Variants in A4GALT observed in about 807,000 individuals in gnomAD.
A4GALT encodes the protein lactosylceramide 4-alpha-galactosyltransferase.
For synonymous variants in A4GALT, 257 were observed against 220.7 expected, an observed-to-expected ratio of 1.16 and a Z score of -1.46; for missense variants, 512 against 486.0, an observed-to-expected ratio of 1.05 and a Z score of -0.50.
intron 1 of A4GALT, among the ~76,000 whole-genome samples, chr22:42,711,494 A>C: frequency 6.6e-6 from 1 of 152,224 alleles, no homozygotes; most frequent in Non-Finnish European, 1.5e-5. Flanking sequence ...TTTCTTGAAG[A>C]GGCTGATTAA....
At chr22:42,704,065 T>C (rs1317288117) in intron 1 of A4GALT, among the ~76,000 whole-genome samples, 1 of 152,172 alleles carries the variant, frequency 6.6e-6, no homozygotes, top group Non-Finnish European at 1.5e-5. Flanking sequence ...CAAACCCTGC[T>C]TGGAGGACCA....
intron 1 of A4GALT, among the ~76,000 whole-genome samples, chr22:42,697,888 C>A (rs1342826985): frequency 1.3e-5 from 2 of 152,178 alleles, no homozygotes; most frequent in African/African-American, 2.4e-5. Context: ...CTGCTCTAAG[C>A]CCTTCCATGG....
chr22:42,708,225 T>C (rs992091469), intron 1 of A4GALT, among the ~76,000 whole-genome samples: 6 of 151,742 alleles, frequency 4.0e-5, no homozygotes, highest in Admixed American at 3.9e-4. Flanking sequence ...CCATCTCTAC[T>C]AAAAATACAA....
intron 1 of A4GALT, among the ~76,000 whole-genome samples, chr22:42,701,144 C>T (rs960370802): frequency 7.2e-5 from 11 of 152,224 alleles, no homozygotes; most frequent in African/African-American, 9.6e-5. Context: ...TCTCCCAGCT[C>T]GTTGCCTCAC....
intron 1 of A4GALT, among the ~76,000 whole-genome samples, chr22:42,710,568 G>A (rs1418308470): frequency 6.6e-6 from 1 of 151,972 alleles, no homozygotes; most frequent in Non-Finnish European, 1.5e-5. Context: ...ATGGTGGTAT[G>A]CACCTGTGGT....
At position 42,693,209 on chromosome 22, in the gene A4GALT, T is replaced by G. The variant is rs1295055335; in HGVS notation, c.743A>C (p.His248Pro). The G allele has an allele frequency of 6.2e-7, 1 of 1,604,906 alleles. No homozygotes were observed. Among genetic ancestry groups the G allele is most frequent in the Non-Finnish European group, 8.5e-7 (1 of 1,176,484 alleles). ...CCGCGTGAGCAGCTGCGGGCCCTGG[T>G]GACCCCAGATCCAGCCGTTGTAGTG... ...VDHYNGWIWG[H>P]QGPQLLTRVF... The change falls in exon 3 of 3, where the codon CAC becomes CCC. Residue 248 changes from histidine (H) to proline (P), a missense_variant. By Grantham distance (77) the His-to-Pro change is moderately conservative (BLOSUM62 -2). Coordinates refer to ENST00000642412, the MANE Select transcript of A4GALT (RefSeq NM_017436.7).
At position 42,709,776 on chromosome 22, in the gene A4GALT, T is replaced by C. The variant is rs1008549785; in HGVS notation, c.-188+11021A>G. 2.6e-5 allele frequency among the ~76,000 whole-genome samples: 4 copies of C among 152,048 alleles called. No individual in the cohort carries two copies. The East Asian group carries it at 7.7e-4, about 29-fold the overall frequency. On this transcript the variant is annotated intron_variant, in intron 1 of 2. Transcript: ENST00000642412. Reference sequence around the variant, plus strand: ...CTGCATTCCAGCCTGGGTGGCACAGTGAGACTCTGTCTCAAAAAATAAAAA... The same window carrying C: ...CTGCATTCCAGCCTGGGTGGCACAGCGAGACTCTGTCTCAAAAAATAAAAA...
chr22:42,693,366 T>A lies in A4GALT; in HGVS notation c.586A>T (p.Ile196Phe), dbSNP rs751235324. The change falls in exon 3 of 3, where the codon ATT becomes TTT. Residue 196 changes from isoleucine to phenylalanine, a missense_variant. Transcript: ENST00000642412. ...FGGIYLDTDFIVLKNLRNLTN... is the reference protein window; with the variant it reads ...FGGIYLDTDFFVLKNLRNLTN... ...AGGTTCCGCAGGTTCTTGAGAACAA[T>A]GAAGTCCGTGTCCAGGTAGATGCCG... 3.7e-6 allele frequency: 6 copies of A among 1,613,302 alleles called. No homozygotes were observed. The highest frequency in any genetic ancestry group is 5.1e-6 in the Non-Finnish European group (6 of 1,180,000).
At chr22:42,696,138 A>AAAAAAAAAAAAAAAC in intron 1 of A4GALT, among the ~76,000 whole-genome samples, 1 of 147,482 alleles carries the variant, frequency 6.8e-6, no homozygotes, top group African/African-American at 2.5e-5. Context: ...AAAAAAAAAA[A>AAAAAAAAAAAAAAAC]AGCCAGGCGC....
Position 42,693,073 on chromosome 22 carries a change from C to A in A4GALT, c.879G>T (p.Lys293Asn). 6.2e-7 allele frequency: 1 copy of A among 1,612,540 alleles called. No individual in the cohort carries two copies. The highest frequency in any genetic ancestry group is 8.5e-7 in the Non-Finnish European group (1 of 1,179,054). ...CGGGGTTGATGTCCTCAAAGTACTT[C>A]TTCCAGTCCTGCCAGGGGATGGGGT... ...AFYPIPWQDW[K>N]KYFEDINPEE... is the part of the protein sequence containing the mutation. The change falls in exon 3 of 3, where the codon AAG (lysine) becomes AAT (asparagine). Residue 293 changes from lysine to asparagine, a missense_variant. Transcript: ENST00000642412.
At chr22:42,720,479 A>C (rs974325250) in intron 1 of A4GALT, among the ~76,000 whole-genome samples, 5 of 152,006 alleles carry the variant, frequency 3.3e-5, no homozygotes, top group Admixed American at 1.3e-4. Flanking sequence ...CCCTCTCTCC[A>C]GCCCCGGGAC....
intron 1 of A4GALT, among the ~76,000 whole-genome samples, chr22:42,715,870 T>C (rs1922131546): frequency 6.9e-6 from 1 of 145,208 alleles, no homozygotes. Flanking sequence ...TTCGCTCTTT[T>C]TGCCCAGGCT....
chr22:42,706,593 G>C (rs532744223), intron 1 of A4GALT, among the ~76,000 whole-genome samples: 5 of 151,944 alleles, frequency 3.3e-5, no homozygotes, highest in Admixed American at 3.3e-4. Context: ...TCAGGAGTTC[G>C]AGACCAGCCT....
rs1265523889 is a variant in A4GALT at position 42,693,420 on chromosome 22, A to T, written c.532T>A (p.Ser178Thr). 5.6e-6 allele frequency: 9 copies of T among 1,613,172 alleles called. No individual in the cohort carries two copies. The highest frequency in any genetic ancestry group is 7.6e-6 in the Non-Finnish European group (9 of 1,179,984). Residue 178 changes from serine (S) to threonine (T), a missense_variant, in exon 3 of 3, where the codon TCC becomes ACC. Transcript: ENST00000642412. ...AACTTCCACATGAGTGCGATCCTGGAGGCGTCGGAGAGCACGGGCAGCAGG... is the reference window on the plus strand; with the variant it reads ...AACTTCCACATGAGTGCGATCCTGGTGGCGTCGGAGAGCACGGGCAGCAGG... ...PYLLPVLSDA[S>T]RIALMWKFGG...
chr22:42,716,815 G>A (rs974634130), intron 1 of A4GALT, among the ~76,000 whole-genome samples: 1 of 152,180 alleles, frequency 6.6e-6, no homozygotes, highest in Non-Finnish European at 1.5e-5. Flanking sequence ...ACCCCCACCT[G>A]AAGGGGAAGG....
intron 1 of A4GALT, among the ~76,000 whole-genome samples, chr22:42,716,654 G>A (rs1349746901): frequency 6.6e-6 from 1 of 152,122 alleles, no homozygotes; most frequent in Non-Finnish European, 1.5e-5. Flanking sequence ...GGCTGCACCA[G>A]GGCTAGGGGC....
At position 42,709,344 on chromosome 22, in the gene A4GALT, CA is replaced by C. The variant is rs71311459; in HGVS notation, c.-188+11452del. ...ACAGGCACGAGCCACTGTGCCAGGC[CA>C]AAAAAAAAAAAAAAAATTTAAGTAA... On this transcript the variant is annotated intron_variant, in intron 1 of 2. Transcript: ENST00000642412. Among the ~76,000 whole-genome samples the C allele has an allele frequency of 2.0e-3, 226 of 112,370 alleles. 2 individuals carry two copies. The highest frequency in any genetic ancestry group is 4.9e-3 in the African/African-American group (144 of 29,228). 73.7% of individuals were successfully genotyped at this position (112,370 alleles called of 152,430 possible). A position where few individuals can be genotyped will look rare whatever the true frequency, so the allele number is the denominator to read the frequency against.
intron 1 of A4GALT, among the ~76,000 whole-genome samples, chr22:42,709,563 G>T (rs1353978639): frequency 6.6e-6 from 1 of 152,030 alleles, no homozygotes; most frequent in Non-Finnish European, 1.5e-5. Context: ...GCTAAGGCAG[G>T]TGGATCACTT....
intron 1 of A4GALT, among the ~76,000 whole-genome samples, chr22:42,698,066 C>T (rs1214844691): frequency 4.6e-5 from 7 of 151,970 alleles, no homozygotes; most frequent in African/African-American, 7.3e-5. Context: ...CTGGCCAACA[C>T]GGTGAAACCC....
Sources: allele counts gnomAD v4.1 joint callset (sites outside exome capture counted in the v4.1 genomes callset), GRCh38; gene constraint gnomAD v4.1.1; transcripts MANE v1.5; gene names NCBI Gene and HGNC (gene_info 2026-07-23, HGNC 2026-07-21).